ENOX1: variants seen among roughly 807,000 people sequenced by gnomAD.
ENOX1 encodes the protein candidate growth-related and time keeping constitutive hydroquinone (NADH) oxidase.
A neutral mutation model predicts 82.5 loss-of-function variants in ENOX1; 42 were observed. The observed-to-expected ratio is 0.51, with a 90% CI of 0.40 to 0.66. The LOEUF is 0.66. Among genes scored for constraint, ENOX1 ranks in the 30% least tolerant of loss-of-function variants. The pLI is 0.00. For missense variants in ENOX1, 608 were observed against 811.6 expected (o/e 0.75, Z 3.05); for synonymous variants, 271 against 282.2 (o/e 0.96, Z 0.40).
chr13:43,705,322 C>CTG (rs1484111358), intron 1 of ENOX1, among the ~76,000 whole-genome samples: 1 of 27,476 alleles, frequency 3.6e-5, no homozygotes, highest in Non-Finnish European at 9.4e-5. Flanking sequence ...CTCTCTCTCT[C>CTG]TCTCTCTCTA....
chr13:43,701,603 A>G (rs529053159), intron 1 of ENOX1, among the ~76,000 whole-genome samples: 13 of 152,288 alleles, frequency 8.5e-5, no homozygotes, highest in South Asian at 6.2e-4. Context: ...TCATAAATAA[A>G]TCCCCTTTTA....
chr13:43,577,162 C>T lies in ENOX1; in HGVS notation c.-219+90317G>A, dbSNP rs2080469630. On this transcript the variant is annotated intron_variant, in intron 2 of 16. Transcript: ENST00000690772. ...TTTCTTTTTTTTTGAGACAGAGTCT[C>T]GCTCAGTCGCCCAGGCTGGAGTGCA... 1.3e-5 allele frequency among the ~76,000 whole-genome samples: 2 copies of T among 151,620 alleles called. 1 individual carries two copies. The highest frequency in any genetic ancestry group is 2.9e-5 in the Non-Finnish European group (2 of 67,956).
chr13:43,342,059 C>T (rs987844591), intron 9 of ENOX1, among the ~76,000 whole-genome samples: 5 of 152,132 alleles, frequency 3.3e-5, no homozygotes, highest in African/African-American at 7.2e-5. Context: ...CCAGGTAAAG[C>T]GAATAGCACC....
At chr13:43,555,601 A>C (rs1271164294) in intron 2 of ENOX1, among the ~76,000 whole-genome samples, 1 of 152,196 alleles carries the variant, frequency 6.6e-6, no homozygotes, top group East Asian at 1.9e-4. Flanking sequence ...TAGTACCTTA[A>C]TAAATCATCA....
chr13:43,400,817 T>C (rs545291260), intron 5 of ENOX1, among the ~76,000 whole-genome samples: 1 of 152,360 alleles, frequency 6.6e-6, no homozygotes, highest in African/African-American at 2.4e-5. Context: ...ACCCAAGGTA[T>C]TTATTTTTAA....
At chr13:43,711,953 T>G (rs1327695069) in intron 1 of ENOX1, among the ~76,000 whole-genome samples, 2 of 145,344 alleles carry the variant, frequency 1.4e-5, no homozygotes, top group African/African-American at 2.5e-5. Context: ...ATTTTGGCTT[T>G]TGTTGCCATT....
At chr13:43,531,439 C>T (rs11147915) in intron 2 of ENOX1, among the ~76,000 whole-genome samples, 1 of 149,048 alleles carries the variant, frequency 6.7e-6, no homozygotes, top group Non-Finnish European at 1.5e-5. Context: ...TGCTGGAGAG[C>T]ATGTGGAGAA....
At chr13:43,522,699 C>A (rs2153683721) in intron 2 of ENOX1, among the ~76,000 whole-genome samples, 1 of 152,222 alleles carries the variant, frequency 6.6e-6, no homozygotes, top group East Asian at 1.9e-4. Context: ...CATGCAGACC[C>A]TTGTGCTTTA....
intron 16 of ENOX1, among the ~76,000 whole-genome samples, chr13:43,222,380 T>TACACACACACACAC (rs35476412): frequency 1.4e-3 from 211 of 149,188 alleles, no homozygotes; most frequent in African/African-American, 4.6e-3. Flanking sequence ...GAGATGATTT[T>TACACACACACACAC]ACACACACAC....
At chr13:43,308,479 C>T (rs4941454) in intron 11 of ENOX1, among the ~76,000 whole-genome samples, 145,157 of 152,308 alleles carry the variant, frequency 0.95, 69,591 homozygotes, top group East Asian at 1. Context: ...AAAAAAGTTT[C>T]TGCTTTGTTC....
chr13:43,684,197 T>C (rs569253514), intron 1 of ENOX1, among the ~76,000 whole-genome samples: 1 of 152,266 alleles, frequency 6.6e-6, no homozygotes, highest in Non-Finnish European at 1.5e-5. Flanking sequence ...TCTTCTATTT[T>C]AGCCGTTTAT....
At position 43,340,544 on chromosome 13, in the gene ENOX1, A is replaced by T. The variant is rs530001020; in HGVS notation, c.1036+3994T>A. Among the ~76,000 whole-genome samples, 3 of 152,346 alleles carry T rather than the reference A, an allele frequency of 2.0e-5. No homozygotes were observed. The East Asian group carries it at 5.8e-4, about 29-fold the overall frequency. On this transcript the variant is annotated intron_variant, in intron 9 of 16. Transcript: ENST00000690772. Reference sequence around the variant, plus strand: ...AATACAGAGGTTGTTGGATGGTTACAATTGGGGATACTACAACGTAAATTT... The same window carrying T: ...AATACAGAGGTTGTTGGATGGTTACTATTGGGGATACTACAACGTAAATTT...
At chr13:43,215,694 G>T (rs765125023) in intron 16 of ENOX1, among the ~76,000 whole-genome samples, 3 of 152,200 alleles carry the variant, frequency 2.0e-5, no homozygotes, top group Non-Finnish European at 4.4e-5. Flanking sequence ...CACTTCCCAT[G>T]ATTGTCAACA....
chr13:43,689,073 A>C (rs2086219701), intron 1 of ENOX1, among the ~76,000 whole-genome samples: 1 of 152,182 alleles, frequency 6.6e-6, no homozygotes, highest in African/African-American at 2.4e-5. Flanking sequence ...TACTCAGCCA[A>C]AAGGAGGAAA....
chr13:43,395,416 T>C (rs2053078782), intron 5 of ENOX1, among the ~76,000 whole-genome samples: 1 of 152,112 alleles, frequency 6.6e-6, no homozygotes, highest in Non-Finnish European at 1.5e-5. Context: ...CTCAGGAGAC[T>C]GAGGTAGGAG....
chr13:43,335,935 C>A (rs2048682366), intron 9 of ENOX1, among the ~76,000 whole-genome samples: 1 of 151,974 alleles, frequency 6.6e-6, no homozygotes, highest in African/African-American at 2.4e-5. Flanking sequence ...TCCCTGAGAC[C>A]AAAGAGGTAT....
At chr13:43,708,056 G>C (rs572421674) in intron 1 of ENOX1, among the ~76,000 whole-genome samples, 1 of 152,072 alleles carries the variant, frequency 6.6e-6, no homozygotes, top group Non-Finnish European at 1.5e-5. Context: ...CAGTTTCCCA[G>C]TAGATAGAGA....
intron 14 of ENOX1, among the ~76,000 whole-genome samples, chr13:43,244,651 A>G (rs959993704): frequency 3.3e-5 from 5 of 152,196 alleles, no homozygotes; most frequent in African/African-American, 4.8e-5. Flanking sequence ...CCCTAAATAG[A>G]GAAACCACCG....
intron 14 of ENOX1, among the ~76,000 whole-genome samples, chr13:43,262,533 T>G (rs2044133212): frequency 6.6e-6 from 1 of 152,184 alleles, no homozygotes. Flanking sequence ...ATTAAATACT[T>G]TGTTATTTGT....
Sources: allele counts gnomAD v4.1 joint callset (sites outside exome capture counted in the v4.1 genomes callset), GRCh38; gene constraint gnomAD v4.1.1; transcripts MANE v1.5; gene names NCBI Gene and HGNC (gene_info 2026-07-23, HGNC 2026-07-21).